Variants in RPS6KA2 observed in about 807,000 individuals in gnomAD.
RPS6KA2 encodes ribosomal protein S6 kinase alpha-2.
A neutral mutation model predicts 91.8 loss-of-function variants in RPS6KA2; 42 were observed. The observed-to-expected ratio is 0.46, with a 90% CI of 0.36 to 0.59. The LOEUF is 0.59. Among genes scored for constraint, RPS6KA2 ranks in the 20% least tolerant of loss-of-function variants. The pLI is 0.00. For synonymous variants in RPS6KA2, 414 were observed against 393.6 expected (o/e 1.05, Z -0.61); for missense variants, 798 against 978.5 (o/e 0.82, Z 2.46).
In RPS6KA2 at chr6:166,423,571, C is replaced by G. The variant is rs142655954; in HGVS notation, c.1582-154G>C. 2.8e-3 allele frequency among the ~76,000 whole-genome samples: 424 copies of G among 152,324 alleles called. 1 individual carries two copies. The highest frequency in any genetic ancestry group is 0.024 in the Middle Eastern group (7 of 294). On this transcript the variant is annotated intron_variant, in intron 16 of 20. Transcript: ENST00000265678. The surrounding 1 kb of genome is among the most constrained non-coding windows in gnomAD (Gnocchi z 4.8). ...GGCCAACAGTGTCAACAGCTGCTGT[C>G]TTCTCCAGAGGGCCCCCCACCTTCT...
Position 166,557,509 on chromosome 6 carries a change from C to A in RPS6KA2, c.100-18725G>T, listed in dbSNP as rs1182005749. Among the ~76,000 whole-genome samples, 3 of 152,210 alleles carry A rather than the reference C, an allele frequency of 2.0e-5. No individual in the cohort carries two copies. The highest frequency in any genetic ancestry group is 4.4e-5 in the Non-Finnish European group (3 of 68,046). The stretch of plus-strand genomic sequence containing the variant: ...TTGAATTATGCTAATATCTTCCCTT[C>A]CCATAATCCTAATTGAGTGATATGG... On this transcript the variant is annotated intron_variant, in intron 1 of 20. Transcript: ENST00000265678. The surrounding 1 kb of genome is among the most constrained non-coding windows in gnomAD (Gnocchi z 4.8).
intron 2 of RPS6KA2, among the ~76,000 whole-genome samples, chr6:166,828,775 C>G (rs971062284): frequency 1.3e-5 from 2 of 152,132 alleles, no homozygotes; most frequent in Non-Finnish European, 2.9e-5. Context: ...GTAATGATTT[C>G]TTGGATATGA....
At chr6:166,595,030 C>T (rs1785493587) in intron 1 of RPS6KA2, among the ~76,000 whole-genome samples, 1 of 151,314 alleles carries the variant, frequency 6.6e-6, no homozygotes, top group Non-Finnish European at 1.5e-5. Context: ...CCCAAATAAA[C>T]AAAGAAGTTG....
At position 166,658,935 on chromosome 6, in the gene RPS6KA2, C is replaced by T. The variant is rs1246863529; in HGVS notation, c.124-120151G>A. ...GCAAAGGGCAGACATGCTGGGAACC[C>T]GCCCCGACACGTGACTGAGTAATTA... On this transcript the variant is annotated intron_variant, in intron 2 of 21. Coordinates refer to the RPS6KA2 transcript ENST00000503859. 2.6e-5 allele frequency among the ~76,000 whole-genome samples: 4 copies of T among 152,106 alleles called. No individual in the cohort carries two copies. In the East Asian group the frequency reaches 5.8e-4, roughly 22 times the overall value.
chr6:166,712,500 T>A (rs1789892352), intron 2 of RPS6KA2, among the ~76,000 whole-genome samples: 1 of 152,242 alleles, frequency 6.6e-6, no homozygotes, highest in Non-Finnish European at 1.5e-5. Context: ...ATTCCTTTCA[T>A]TATCTAACAA....
At position 166,508,410 on chromosome 6, in the gene RPS6KA2, C is replaced by T; in HGVS notation, c.380-128G>A. The T allele has an allele frequency of 1.5e-6, 1 of 647,390 alleles. No homozygotes were observed. Among genetic ancestry groups the T allele is most frequent in the South Asian group, 1.8e-5 (1 of 54,994 alleles). The allele number at this position is 647,390 out of a possible 1,614,324, so 40.1% of individuals were successfully genotyped here. On this transcript the variant is annotated intron_variant, in intron 4 of 20. Coordinates refer to ENST00000265678, the MANE Select transcript of RPS6KA2 (RefSeq NM_021135.6). The surrounding 1 kb of genome is among the most constrained non-coding windows in gnomAD (Gnocchi z 4.3). The stretch of plus-strand genomic sequence containing the variant: ...CTGAGTCACTTGAGAAACGGCAGGA[C>T]CCCGGCTGGTGACCAGCTCAGAGGG...
intron 2 of RPS6KA2, among the ~76,000 whole-genome samples, chr6:166,649,757 G>T (rs1426046821): frequency 2.6e-5 from 4 of 152,176 alleles, no homozygotes; most frequent in Non-Finnish European, 5.9e-5. Context: ...ACCCCGGGGG[G>T]TTTTCGTTCC....
In RPS6KA2 at chr6:166,666,237, G is replaced by T. The variant is rs1788311589; in HGVS notation, c.124-127453C>A. Among the ~76,000 whole-genome samples the T allele has an allele frequency of 6.6e-6, 1 of 152,150 alleles. No homozygotes were observed. The highest frequency in any genetic ancestry group is 1.5e-5 in the Non-Finnish European group (1 of 68,012). Reference sequence around the variant, plus strand: ...CTCTGCTGTGCATCAGAGAGAGGGGGCGGGACTGGCATCTTCCCAGCAAAG... The same window carrying T: ...CTCTGCTGTGCATCAGAGAGAGGGGTCGGGACTGGCATCTTCCCAGCAAAG... On this transcript the variant is annotated intron_variant, in intron 2 of 21. Coordinates refer to the RPS6KA2 transcript ENST00000503859. The surrounding 1 kb of genome is among the most constrained non-coding windows in gnomAD (Gnocchi z 4.0).
intron 2 of RPS6KA2, among the ~76,000 whole-genome samples, chr6:166,653,170 C>A (rs1350103768): frequency 1.3e-5 from 2 of 152,250 alleles, no homozygotes; most frequent in African/African-American, 4.8e-5. Flanking sequence ...AAGCAATTCT[C>A]GTGCCTCAGC....
At chr6:166,750,303 C>T (rs1469236901) in intron 2 of RPS6KA2, among the ~76,000 whole-genome samples, 1 of 152,196 alleles carries the variant, frequency 6.6e-6, no homozygotes, top group Non-Finnish European at 1.5e-5. Context: ...CAGGGCCCCA[C>T]CCCAACCCTA....
chr6:166,791,700 G>A (rs894488252), intron 2 of RPS6KA2, among the ~76,000 whole-genome samples: 1 of 151,734 alleles, frequency 6.6e-6, no homozygotes, highest in African/African-American at 2.4e-5. Flanking sequence ...TAGAACTCAG[G>A]ATTAAAAAAC....
At chr6:166,553,705 G>C (rs1052030465) in intron 1 of RPS6KA2, among the ~76,000 whole-genome samples, 1 of 151,972 alleles carries the variant, frequency 6.6e-6, no homozygotes, top group African/African-American at 2.4e-5. Flanking sequence ...CCCATTGTTA[G>C]AGGATACCAT....
chr6:166,791,028 G>A (rs1053581440), intron 2 of RPS6KA2, among the ~76,000 whole-genome samples: 7 of 152,178 alleles, frequency 4.6e-5, no homozygotes, highest in African/African-American at 1.7e-4. Flanking sequence ...AACTTTAAAT[G>A]TAAATGGGCT....
At chr6:166,466,806 A>G (rs12200581) in intron 11 of RPS6KA2, among the ~76,000 whole-genome samples, 3 of 151,650 alleles carry the variant, frequency 2.0e-5, no homozygotes, top group African/African-American at 2.4e-5. Context: ...TCGTTCACTC[A>G]CTCCCTCATT....
At chr6:166,830,593 A>G (rs1009934472) in intron 2 of RPS6KA2, among the ~76,000 whole-genome samples, 1 of 152,236 alleles carries the variant, frequency 6.6e-6, no homozygotes, top group Admixed American at 6.5e-5. Flanking sequence ...TGCACAAGAA[A>G]TGACACATGC....
chr6:166,646,539 G>A (rs1163927755), intron 2 of RPS6KA2, among the ~76,000 whole-genome samples: 22 of 152,222 alleles, frequency 1.4e-4, no homozygotes, highest in Admixed American at 1.4e-3. Context: ...CAAGGGCCCC[G>A]CCAGGAAGAC....
Position 166,488,965 on chromosome 6 carries a change from A to C in RPS6KA2, c.819-44T>G, listed in dbSNP as rs1405186251. ...TTTTAGGATCTATTTTAGGAGAACA[A>C]GGACAAGCTATAAAGAGGGCCCCAG... On this transcript the variant is annotated intron_variant, in intron 9 of 20. Coordinates refer to ENST00000265678, the MANE Select transcript of RPS6KA2 (RefSeq NM_021135.6). 2.0e-6 allele frequency: 3 copies of C among 1,521,550 alleles called. No homozygotes were observed. The South Asian group carries it at 3.5e-5, about 18-fold the overall frequency. The allele number at this position is 1,521,550 out of a possible 1,614,324, so 94.3% of individuals were successfully genotyped here.
At chr6:166,679,858 T>TGGCCAGC (rs1788733911) in intron 2 of RPS6KA2, among the ~76,000 whole-genome samples, 1 of 152,220 alleles carries the variant, frequency 6.6e-6, no homozygotes, top group Non-Finnish European at 1.5e-5. Context: ...TCAGCGCGGT[T>TGGCCAGC]GGCCAGCGCC....
chr6:166,852,933 G>T lies in RPS6KA2; in HGVS notation c.123+5267C>A, dbSNP rs1311886426. ...TGACAGCAGGAAATGCACCTGCCCT[G>T]CCCCCTCGCCCGGATACTTTCTATT... On this transcript the variant is annotated intron_variant, in intron 2 of 21. Transcript: ENST00000503859. This position sits in a 1 kb window ranked among gnomAD's most constrained non-coding sequence, Gnocchi z 4.1. 6.6e-6 allele frequency among the ~76,000 whole-genome samples: 1 copy of T among 152,074 alleles called. No individual in the cohort carries two copies. The highest frequency in any genetic ancestry group is 2.4e-5 in the African/African-American group (1 of 41,386).
Sources: gnomAD v4.1 joint callset for allele counts (sites outside exome capture counted in the v4.1 genomes callset) on GRCh38, gnomAD v4.1.1 for gene constraint, Gnocchi (gnomAD v3.1) non-coding constraint, MANE v1.5 for transcripts, NCBI Gene and HGNC (gene_info 2026-07-23, HGNC 2026-07-21) for gene names.